The following SAP130 variants were observed in gnomAD, a reference collection of about 807,000 sequenced individuals.
The protein encoded by SAP130 is Sin3A associated protein 130.
A neutral mutation model predicts 103.2 loss-of-function variants in SAP130; 16 were observed. The observed-to-expected ratio is 0.16, with a 90% CI of 0.10 to 0.24. The LOEUF (loss-of-function observed/expected upper bound fraction) is 0.24. Ranked by LOEUF, SAP130 falls within the 10% of genes least tolerant of loss-of-function variation. The pLI is 1.00. For missense variants in SAP130, 990 were observed against 1,359.7 expected (o/e 0.73, Z 4.28); for synonymous variants, 477 against 497.0 (o/e 0.96, Z 0.53).
At chr2:128,020,229 C>T (rs891841420) in intron 2 of SAP130, among the ~76,000 whole-genome samples, 2 of 152,096 alleles carry the variant, frequency 1.3e-5, no homozygotes, top group Non-Finnish European at 2.9e-5. Context: ...AATGGACTTT[C>T]ACAAACTGAA....
chr2:127,990,022 T>A lies in SAP130; in HGVS notation c.1478-156A>T, dbSNP rs143805877. On this transcript the variant is annotated intron_variant, in intron 12 of 20. Coordinates refer to ENST00000643581, the MANE Select transcript of SAP130 (RefSeq NM_001330301.2). ...ATAAATAAACATTGTTACTTGAAAC[T>A]TACTATACTTGGGATTGTTATTTCC... 3.3e-4 allele frequency among the ~76,000 whole-genome samples: 51 copies of A among 152,286 alleles called. 1 individual carries two copies. The South Asian group carries it at 6.4e-3, about 19-fold the overall frequency.
chr2:127,956,356 CTGTG>C (rs1346949500), intron 15 of SAP130, among the ~76,000 whole-genome samples: 1 of 152,140 alleles, frequency 6.6e-6, no homozygotes, highest in Non-Finnish European at 1.5e-5. Context: ...TTCCTGAGTT[CTGTG>C]TGCTGTTCTA....
In SAP130 at chr2:128,017,928, T is replaced by A. The variant is rs948021378; in HGVS notation, c.113-13A>T. 3 of 1,604,106 alleles carry A rather than the reference T, an allele frequency of 1.9e-6. No individual in the cohort carries two copies. In the African/African-American group the frequency reaches 4.0e-5, roughly 21 times the overall value. Reference sequence around the variant, plus strand: ...GATTCATCATTGACTAGTAAAGACATTAAGAGTGAGACAGTATGTCACAGT... The same window carrying A: ...GATTCATCATTGACTAGTAAAGACAATAAGAGTGAGACAGTATGTCACAGT... On this transcript the variant is annotated splice_polypyrimidine_tract_variant and intron_variant, in intron 2 of 20. Coordinates refer to ENST00000643581, the MANE Select transcript of SAP130 (RefSeq NM_001330301.2).
At chr2:127,984,967 G>A (rs1323167577) in intron 14 of SAP130, among the ~76,000 whole-genome samples, 1 of 152,150 alleles carries the variant, frequency 6.6e-6, no homozygotes, top group Non-Finnish European at 1.5e-5. Context: ...CCCAGGATTT[G>A]CCTGTTGTTG....
At chr2:127,994,411 C>T (rs1342838390) in intron 11 of SAP130, among the ~76,000 whole-genome samples, 5 of 151,954 alleles carry the variant, frequency 3.3e-5, no homozygotes, top group East Asian at 1.9e-4. Flanking sequence ...GCCAACATGG[C>T]GAAACTCCGT....
rs1685631510 is a variant in SAP130 at position 128,027,821 on chromosome 2, G to A, written c.-7+119C>T. The A allele has an allele frequency of 7.7e-6, 5 of 652,882 alleles. No individual in the cohort carries two copies. In the South Asian group the frequency reaches 2.7e-4, roughly 35 times the overall value. 40.4% of individuals were successfully genotyped at this position (652,882 alleles called of 1,614,324 possible). ...AAGAGCCGCGGTCCGAGCCGCAGGA[G>A]ACGAGGATCCTCTGCCCTTCCCCGG... is the stretch of plus-strand genomic sequence containing the variant. On this transcript the variant is annotated intron_variant, in intron 1 of 20. Transcript: ENST00000643581.
At chr2:128,024,029 T>C (rs769221092) in intron 2 of SAP130, among the ~76,000 whole-genome samples, 1 of 152,048 alleles carries the variant, frequency 6.6e-6, no homozygotes, top group Non-Finnish European at 1.5e-5. Flanking sequence ...AGGAAGACTA[T>C]GGCAAAAGGA....
intron 4 of SAP130, among the ~76,000 whole-genome samples, chr2:128,015,273 A>T (rs1036389098): frequency 6.6e-6 from 1 of 152,106 alleles, no homozygotes; most frequent in Admixed American, 6.5e-5. Flanking sequence ...TTTCCTTTAC[A>T]TACCACTGCA....
At chr2:127,963,508 G>C (rs1680409223) in intron 15 of SAP130, among the ~76,000 whole-genome samples, 1 of 152,172 alleles carries the variant, frequency 6.6e-6, no homozygotes, top group African/African-American at 2.4e-5. Flanking sequence ...TGGGATTACA[G>C]GTGTCAGCCA....
intron 2 of SAP130, among the ~76,000 whole-genome samples, chr2:128,025,074 G>C (rs1263333469): frequency 4.7e-5 from 7 of 148,856 alleles, no homozygotes; most frequent in Admixed American, 2.0e-4. Flanking sequence ...TTTACCATAA[G>C]GAACACCAGA....
chr2:127,962,425 A>C (rs1680319469), intron 15 of SAP130, among the ~76,000 whole-genome samples: 2 of 152,344 alleles, frequency 1.3e-5, no homozygotes, highest in South Asian at 4.1e-4. Context: ...AGACACATGC[A>C]CACGTATGTT....
At chr2:127,959,228 C>T (rs541303334) in intron 15 of SAP130, among the ~76,000 whole-genome samples, 9 of 152,074 alleles carry the variant, frequency 5.9e-5, no homozygotes, top group Middle Eastern at 6.8e-3. Flanking sequence ...CCGGACAGGG[C>T]GCTGGAGAAG....
intron 2 of SAP130, among the ~76,000 whole-genome samples, chr2:128,018,123 T>C (rs1388049626): frequency 6.6e-6 from 1 of 152,140 alleles, no homozygotes; most frequent in African/African-American, 2.4e-5. Flanking sequence ...ATAGAATTTA[T>C]TCTGGATATT....
At chr2:127,954,288 A>C (rs1375796037) in intron 16 of SAP130, among the ~76,000 whole-genome samples, 1 of 152,232 alleles carries the variant, frequency 6.6e-6, no homozygotes, top group Non-Finnish European at 1.5e-5. Flanking sequence ...AAACAGCATG[A>C]GAAAGAAATG....
chr2:128,024,424 A>G (rs1279360318), intron 2 of SAP130, among the ~76,000 whole-genome samples: 4 of 152,094 alleles, frequency 2.6e-5, no homozygotes, highest in African/African-American at 9.7e-5. Flanking sequence ...GCAATTAAAG[A>G]TGCTTCCAGC....
At chr2:127,967,890 G>C (rs1318040201) in intron 15 of SAP130, among the ~76,000 whole-genome samples, 1 of 152,036 alleles carries the variant, frequency 6.6e-6, no homozygotes, top group East Asian at 1.9e-4. Flanking sequence ...CCATATGTTA[G>C]GTCAAAATTC....
rs188862739 is a variant in SAP130, at chr2:127,998,746, A to G, written c.1213+995T>C. ...AGAACCAATCTCTAAAAAATTCTTC[A>G]TGGTGGAGGGTCAGGAGGAAACTAG... On this transcript the variant is annotated intron_variant, in intron 10 of 20. Transcript: ENST00000643581. 3.3e-4 allele frequency among the ~76,000 whole-genome samples: 51 copies of G among 152,352 alleles called. 1 individual carries two copies. In the South Asian group the frequency reaches 6.4e-3, roughly 19 times the overall value.
At chr2:127,962,410 T>C (rs1264135561) in intron 15 of SAP130, among the ~76,000 whole-genome samples, 2 of 152,210 alleles carry the variant, frequency 1.3e-5, no homozygotes, top group African/African-American at 2.4e-5. Context: ...ATCATGCTGC[T>C]ATAAAGACAC....
intron 10 of SAP130, among the ~76,000 whole-genome samples, chr2:127,998,836 C>A (rs1573785302): frequency 6.6e-6 from 1 of 152,294 alleles, no homozygotes; most frequent in East Asian, 1.9e-4. Context: ...GATACAAATA[C>A]CCGAGTGAGG....
Sources: allele counts gnomAD v4.1 joint callset (sites outside exome capture counted in the v4.1 genomes callset), GRCh38; gene constraint gnomAD v4.1.1; transcripts MANE v1.5; gene names NCBI Gene and HGNC (gene_info 2026-07-23, HGNC 2026-07-21).